The following C2orf92 variants were observed in gnomAD, a reference collection of about 807,000 sequenced individuals.
C2orf92 encodes uncharacterized protein C2orf92.
intron 1 of C2orf92, among the ~76,000 whole-genome samples, chr2:97,673,147 A>C (rs1218526384): frequency 6.6e-6 from 1 of 152,138 alleles, no homozygotes; most frequent in East Asian, 1.9e-4. Flanking sequence ...TTGTGGGTAC[A>C]ATTTTCATAT....
chr2:97,693,093 G>A (rs953320199), intron 5 of C2orf92, among the ~76,000 whole-genome samples: 1 of 152,090 alleles, frequency 6.6e-6, no homozygotes, highest in African/African-American at 2.4e-5. Context: ...GTCTTTTTGT[G>A]GTTGGTTTAG....
At chr2:97,665,713 C>CTG (rs1559293021), upstream of C2orf92, 3 of 44,898 alleles carry the variant, frequency 6.7e-5, no homozygotes, top group East Asian at 1.1e-3. Flanking sequence ...CTCTCTCTCT[C>CTG]TCTCTCTCTC....
chr2:97,695,952 C>G (rs1676295222), intron 5 of C2orf92, among the ~76,000 whole-genome samples: 1 of 152,062 alleles, frequency 6.6e-6, no homozygotes, highest in African/African-American at 2.4e-5. Flanking sequence ...CAGGGTAGTT[C>G]TGGCTCAGAG....
At chr2:97,681,394 G>A (rs1196817072) in intron 3 of C2orf92, among the ~76,000 whole-genome samples, 9 of 152,088 alleles carry the variant, frequency 5.9e-5, no homozygotes, top group Non-Finnish European at 1.2e-4. Context: ...GGGAAATCTG[G>A]AATATTTACA....
At chr2:97,685,253 C>T (rs974642696) in intron 3 of C2orf92, among the ~76,000 whole-genome samples, 7 of 147,568 alleles carry the variant, frequency 4.7e-5, no homozygotes, top group African/African-American at 7.5e-5. Context: ...TGGTTTTTTT[C>T]TTTCTTTCTT....
At chr2:97,664,104 CG>C (rs1298046927), upstream of C2orf92, 4 of 273,600 alleles carry the variant, frequency 1.5e-5, no homozygotes, top group Non-Finnish European at 2.7e-5. Flanking sequence ...AGCAGGTGCC[CG>C]GGGCTGGCTG....
chr2:97,685,245 GT>G (rs1387797881), intron 3 of C2orf92, among the ~76,000 whole-genome samples: 1 of 148,608 alleles, frequency 6.7e-6, no homozygotes, highest in African/African-American at 2.5e-5. Flanking sequence ...GGCTATTTTG[GT>G]TTTTTTCTTT....
rs1355842135 is a variant in C2orf92 at position 97,699,103 on chromosome 2, G to A, written c.481G>A (p.Asp161Asn). The change falls in exon 6 of 8, where the codon GAT (aspartate) becomes AAT (asparagine). Residue 161 changes from aspartate to asparagine, a missense_variant. Transcript: ENST00000627399. ...RDLREQLTTI[D>N]KETLQGAAKP... ...TTTAAGAGAGCAGTTAACTACTATA[G>A]ATAAAGAAACACTTCAAGGAGCAGC... 2.5e-6 allele frequency: 1 copy of A among 398,448 alleles called. No homozygotes were observed. The highest frequency in any genetic ancestry group is 2.1e-5 in the African/African-American group (1 of 48,612). The allele number at this position is 398,448 out of a possible 1,614,324, so 24.7% of individuals were successfully genotyped here.
chr2:97,680,261 T>C (rs1420514509), intron 3 of C2orf92, among the ~76,000 whole-genome samples: 1 of 152,210 alleles, frequency 6.6e-6, no homozygotes, highest in African/African-American at 2.4e-5. Context: ...ATCATGCCAC[T>C]GCATTTCAGC....
chr2:97,698,874 A>G (rs1403733467), intron 5 of C2orf92, among the ~76,000 whole-genome samples, 152 bp from the exon 6 acceptor site: 2 of 152,246 alleles, frequency 1.3e-5, no homozygotes, highest in Non-Finnish European at 2.9e-5. Context: ...ATAAAACACC[A>G]AAACACTGAG....
chr2:97,680,832 A>G (rs2104559110), intron 3 of C2orf92, among the ~76,000 whole-genome samples: 1 of 152,306 alleles, frequency 6.6e-6, no homozygotes, highest in South Asian at 2.1e-4. Flanking sequence ...AGGCTGAGGC[A>G]GGAGAATGGC....
intron 5 of C2orf92, chr2:97,694,629 C>T (rs1676250969): frequency 6.6e-6 from 1 of 152,114 alleles, no homozygotes; most frequent in Admixed American, 6.6e-5. Flanking sequence ...TGTTTACTTA[C>T]TTATCCCTTG....
chr2:97,700,959 CTGACCTCG>C (rs958900299), intron 6 of C2orf92, among the ~76,000 whole-genome samples, 187 bp from the exon 7 acceptor site: 3 of 152,008 alleles, frequency 2.0e-5, no homozygotes, highest in Non-Finnish European at 4.4e-5. Flanking sequence ...TCTCGATCTC[CTGACCTCG>C]TGATCCGCCC....
intron 3 of C2orf92, among the ~76,000 whole-genome samples, chr2:97,684,954 G>A (rs1675903022): frequency 6.7e-6 from 1 of 149,992 alleles, no homozygotes; most frequent in Non-Finnish European, 1.5e-5. Context: ...TTTTGAGACA[G>A]AGTCTTGTTC....
At chr2:97,700,706 G>C (rs1247280103) in intron 6 of C2orf92, among the ~76,000 whole-genome samples, 1 of 150,598 alleles carries the variant, frequency 6.6e-6, no homozygotes, top group Non-Finnish European at 1.5e-5. Context: ...TCTGGAACCA[G>C]TGGCTAAGAT....
intron 5 of C2orf92, among the ~76,000 whole-genome samples, chr2:97,696,029 C>A (rs1325721867): frequency 1.3e-5 from 2 of 152,228 alleles, no homozygotes; most frequent in Non-Finnish European, 2.9e-5. Context: ...AACTACTGAT[C>A]TGTCCTACCC....
At position 97,702,745 on chromosome 2, in the gene C2orf92, A is replaced by T; in HGVS notation, c.742A>T (p.Asn248Tyr). ...KTWWHNSEEK[N>Y]FTKLAKKQKQ... ...ATGGTGGCACAATTCTGAAGAAAAAAATTTCACAAAACTTGCAAAAAAACA... is the reference window on the plus strand; with the variant it reads ...ATGGTGGCACAATTCTGAAGAAAAATATTTCACAAAACTTGCAAAAAAACA... Residue 248 changes from asparagine to tyrosine, a missense_variant, in exon 8 of 8, where the codon AAT (asparagine) becomes TAT (tyrosine). By Grantham distance (143) the Asn-to-Tyr change is moderately radical (BLOSUM62 -2). Coordinates refer to ENST00000627399, the MANE Select transcript of C2orf92 (RefSeq NM_001351368.2). The T allele has an allele frequency of 2.5e-6, 1 of 399,004 alleles. No homozygotes were observed. The highest frequency in any genetic ancestry group is 4.4e-6 in the Non-Finnish European group (1 of 226,062). The allele number at this position is 399,004 out of a possible 1,614,324, so 24.7% of individuals were successfully genotyped here. A position where few individuals can be genotyped will look rare whatever the true frequency, so the allele number is the denominator to read the frequency against.
At chr2:97,701,503 G>A (rs147332506) in intron 7 of C2orf92, among the ~76,000 whole-genome samples, 199 bp downstream of exon 7, 13 of 152,346 alleles carry the variant, frequency 8.5e-5, no homozygotes, top group African/African-American at 3.1e-4. Context: ...GGGTGATTCT[G>A]ATGCACAGCC....
In C2orf92 at chr2:97,702,833, G is replaced by A. The variant is rs1676541198; in HGVS notation, c.*32G>A. On this transcript the variant is annotated 3_prime_UTR_variant, in exon 8 of 8. Transcript: ENST00000627399. ...TCGTGGGGCCGTCAAACCAGGACTT[G>A]AAACCACAATGCGAGGACATTCTCC... The A allele has an allele frequency of 2.5e-6, 1 of 398,838 alleles. No individual in the cohort carries two copies. Among genetic ancestry groups the A allele is most frequent in the African/African-American group, 2.1e-5 (1 of 48,628 alleles). 24.7% of individuals were successfully genotyped at this position (398,838 alleles called of 1,614,324 possible).
Sources: gnomAD v4.1 joint callset for allele counts (sites outside exome capture counted in the v4.1 genomes callset) on GRCh38, gnomAD v4.1.1 for gene constraint, MANE v1.5 for transcripts, NCBI Gene and HGNC (gene_info 2026-07-23, HGNC 2026-07-21) for gene names.